SMARCA2: variants seen among roughly 807,000 people sequenced by gnomAD.
The protein encoded by SMARCA2 is SWI/SNF related BAF chromatin remodeling complex subunit ATPase 2.
Under a neutral mutation model 199.8 loss-of-function variants are expected in SMARCA2, and 61 were observed. The ratio of observed to expected loss-of-function variants is 0.31; its 90% CI spans 0.25 to 0.38. The LOEUF (loss-of-function observed/expected upper bound fraction) is 0.38. SMARCA2 is among the 10% of genes least tolerant of loss of function. The pLI, the probability that SMARCA2 is intolerant of heterozygous loss-of-function variation, is 1.00. For missense variants in SMARCA2, 1,344 were observed against 2,012.2 expected, an observed-to-expected ratio of 0.67 and a Z score of 6.35; for synonymous variants, 935 against 732.0, an observed-to-expected ratio of 1.28 and a Z score of -4.48.
chr9:2,152,725 A>T (rs553983107), intron 27 of SMARCA2, among the ~76,000 whole-genome samples: 82 of 151,012 alleles, frequency 5.4e-4, no homozygotes, highest in Middle Eastern at 3.5e-3. Flanking sequence ...GGTGGTGCAC[A>T]CCTTTAGTCC....
chr9:2,079,683 C>T (rs1821481557), intron 14 of SMARCA2, among the ~76,000 whole-genome samples: 1 of 152,172 alleles, frequency 6.6e-6, no homozygotes, highest in Non-Finnish European at 1.5e-5. Context: ...ATGTTTTCTC[C>T]AAAGACCATG....
At chr9:2,124,634 G>T (rs1431523679) in intron 27 of SMARCA2, among the ~76,000 whole-genome samples, 1 of 152,218 alleles carries the variant, frequency 6.6e-6, no homozygotes, top group African/African-American at 2.4e-5. Flanking sequence ...TGGGACTCGG[G>T]TCACCGATGC....
In SMARCA2 at chr9:2,154,727, T is replaced by G. The variant is rs199519472; in HGVS notation, c.3982-6959T>G. On this transcript the variant is annotated intron_variant, in intron 27 of 33. Coordinates refer to ENST00000349721, the MANE Select transcript of SMARCA2 (RefSeq NM_003070.5). ...ATTTGACATTATCTCCAAATGAGGT[T>G]ATGCTCTTAATAGTTGTATTTTATC... Among the ~76,000 whole-genome samples, 4 of 152,256 alleles carry G rather than the reference T, an allele frequency of 2.6e-5. No individual in the cohort carries two copies. In the East Asian group the frequency reaches 7.7e-4, roughly 29 times the overall value.
In SMARCA2 at chr9:2,039,482, C is replaced by T. The variant is rs1350589959; in HGVS notation, c.372C>T (p.His124=). The change falls in exon 4 of 34, where the codon CAC becomes CAT. Residue 124 remains histidine (H), a synonymous_variant. Coordinates refer to ENST00000349721, the MANE Select transcript of SMARCA2 (RefSeq NM_003070.5). This position sits in a 1 kb window ranked among gnomAD's most constrained non-coding sequence, Gnocchi z 4.8. ...DQHSQGYMSP[H]PSPLGAPEHV... Reference sequence around the variant, plus strand: ...TTATTTTAGGTTATATGTCACCACACCCATCTCCATTAGGAGCCCCAGAGC... The same window carrying T: ...TTATTTTAGGTTATATGTCACCACATCCATCTCCATTAGGAGCCCCAGAGC... 7 of 1,613,882 alleles carry T rather than the reference C, an allele frequency of 4.3e-6. No homozygotes were observed. The highest frequency in any genetic ancestry group is 2.2e-5 in the East Asian group (1 of 44,870).
chr9:2,068,429 A>G (rs748996353), intron 9 of SMARCA2, among the ~76,000 whole-genome samples: 7 of 152,198 alleles, frequency 4.6e-5, no homozygotes, highest in Non-Finnish European at 8.8e-5. Flanking sequence ...ATTTTTGGTA[A>G]AAATTGCATT....
At chr9:2,130,946 G>A (rs1199155265) in intron 27 of SMARCA2, among the ~76,000 whole-genome samples, 2 of 152,214 alleles carry the variant, frequency 1.3e-5, no homozygotes, top group African/African-American at 2.4e-5. Flanking sequence ...TGAGCCAGGG[G>A]CTGTGCAAAA....
chr9:2,047,576 C>T (rs1819924831), intron 5 of SMARCA2, 92 bp downstream of exon 5: 5 of 1,187,732 alleles, frequency 4.2e-6, no homozygotes, highest in Admixed American at 4.6e-5. Context: ...CCTTGGTTGG[C>T]CAAACTGTGA....
intron 29 of SMARCA2, among the ~76,000 whole-genome samples, chr9:2,175,793 T>A (rs1162115943): frequency 6.6e-6 from 1 of 152,244 alleles, no homozygotes. Context: ...TCTGGTCGTT[T>A]TTCAATGCCT....
In SMARCA2 at chr9:2,019,022, ACTTT is replaced by A. The variant is rs1197240445; in HGVS notation, c.-37+3627_-37+3630del. Reference sequence around the variant, plus strand: ...TCTAATTGCTCTTTTATTCTCTTGGACTTTCTTTCTTTTTTTCCTCAAATGCTTC... The same window carrying A: ...TCTAATTGCTCTTTTATTCTCTTGGACTTTCTTTTTTTCCTCAAATGCTTC... On this transcript the variant is annotated intron_variant, in intron 1 of 33. Coordinates refer to ENST00000349721, the MANE Select transcript of SMARCA2 (RefSeq NM_003070.5). 1.8e-4 allele frequency among the ~76,000 whole-genome samples: 28 copies of A among 152,164 alleles called. No individual in the cohort carries two copies. In the South Asian group the frequency reaches 2.1e-3, roughly 11 times the overall value.
At chr9:2,177,732 A>G (rs1826713570) in intron 29 of SMARCA2, among the ~76,000 whole-genome samples, 1 of 151,920 alleles carries the variant, frequency 6.6e-6, no homozygotes, top group African/African-American at 2.4e-5. Context: ...TTGTATTTTT[A>G]GTAGAGAGGG....
chr9:2,188,674 C>T (rs1339991835), intron 32 of SMARCA2, among the ~76,000 whole-genome samples: 1 of 152,186 alleles, frequency 6.6e-6, no homozygotes, highest in Non-Finnish European at 1.5e-5. Context: ...TTACCACAAA[C>T]TTAGTGACTT....
chr9:2,104,881 G>A lies in SMARCA2; in HGVS notation c.3292+712G>A, dbSNP rs1174422531. 6.6e-6 allele frequency among the ~76,000 whole-genome samples: 1 copy of A among 152,146 alleles called. No homozygotes were observed. Among genetic ancestry groups the A allele is most frequent in the Non-Finnish European group, 1.5e-5 (1 of 68,024 alleles). ...ATCAGCATTTATACACAATGGAAGG[G>A]CATAAATATGGCATTCAAAGAGTGG... On this transcript the variant is annotated intron_variant, in intron 23 of 33. Coordinates refer to ENST00000349721, the MANE Select transcript of SMARCA2 (RefSeq NM_003070.5). The surrounding 1 kb of genome is among the most constrained non-coding windows in gnomAD (Gnocchi z 4.0).
In SMARCA2 at chr9:2,110,851, CA is replaced by C. The variant is rs1822961855; in HGVS notation, c.3456+435del. On this transcript the variant is annotated intron_variant, in intron 24 of 33. Coordinates refer to ENST00000349721, the MANE Select transcript of SMARCA2 (RefSeq NM_003070.5). This position sits in a 1 kb window ranked among gnomAD's most constrained non-coding sequence, Gnocchi z 4.8. ...ACGGTTAATATGATTTGAATCTTTG[CA>C]GTCAAGGAAACTGAATCCTAGGCAG... Among the ~76,000 whole-genome samples the C allele has an allele frequency of 6.6e-6, 1 of 152,188 alleles. No homozygotes were observed. Among genetic ancestry groups the C allele is most frequent in the Non-Finnish European group, 1.5e-5 (1 of 68,018 alleles).
chr9:2,021,362 A>G (rs1455586621), intron 1 of SMARCA2, among the ~76,000 whole-genome samples: 1 of 152,242 alleles, frequency 6.6e-6, no homozygotes, highest in Non-Finnish European at 1.5e-5. Flanking sequence ...AATGATAAAA[A>G]TCTCTAACCA....
intron 5 of SMARCA2, among the ~76,000 whole-genome samples, chr9:2,052,366 T>A (rs143946057): frequency 6.6e-6 from 1 of 152,178 alleles, no homozygotes; most frequent in Non-Finnish European, 1.5e-5. Context: ...CCCAGCTACA[T>A]GGGAGGCTGA....
chr9:2,151,617 C>A (rs577937944), intron 27 of SMARCA2, among the ~76,000 whole-genome samples: 34 of 152,172 alleles, frequency 2.2e-4, no homozygotes, highest in African/African-American at 7.2e-4. Context: ...GCCTGTAATC[C>A]CAGCTATTGG....
chr9:2,160,007 T>G, intron 27 of SMARCA2: 3 of 1,509,104 alleles, frequency 2.0e-6, no homozygotes, highest in Non-Finnish European at 2.7e-6. Context: ...GTTCTCCGTA[T>G]TTCTGTGTGC....
At chr9:2,154,591 C>A (rs28690811) in intron 27 of SMARCA2, among the ~76,000 whole-genome samples, 5,064 of 152,218 alleles carry the variant, frequency 0.033, 91 homozygotes, top group Middle Eastern at 0.044. Flanking sequence ...TAGCGTGGAA[C>A]CCTGGATTGT....
intron 27 of SMARCA2, among the ~76,000 whole-genome samples, chr9:2,144,500 T>A (rs1267429240): frequency 6.6e-6 from 1 of 152,112 alleles, no homozygotes; most frequent in Non-Finnish European, 1.5e-5. Context: ...CAAGGTCATG[T>A]TTGAAGCCAT....
Sources: allele counts gnomAD v4.1 joint callset (sites outside exome capture counted in the v4.1 genomes callset), GRCh38; gene constraint gnomAD v4.1.1; non-coding constraint Gnocchi (gnomAD v3.1); transcripts MANE v1.5; gene names NCBI Gene and HGNC (gene_info 2026-07-23, HGNC 2026-07-21).